SPP2: variants seen among roughly 807,000 people sequenced by gnomAD.
The protein encoded by SPP2 is secreted phosphoprotein 24.
In SPP2, 34 loss-of-function variants were observed where a neutral mutation model predicts 28.8. That is an observed-to-expected ratio of 1.18 (90% confidence interval 0.90 to 1.57). SPP2 has a LOEUF of 1.57. SPP2 is among the 40% of genes most tolerant of loss of function. The pLI is 0.00. For synonymous variants in SPP2, 96 were observed against 89.4 expected, an observed-to-expected ratio of 1.07 and a Z score of -0.42; for missense variants, 269 against 263.9, an observed-to-expected ratio of 1.02 and a Z score of -0.13.
chr2:234,074,280 C>T (rs1431967309), intron 7 of SPP2, among the ~76,000 whole-genome samples: 1 of 152,060 alleles, frequency 6.6e-6, no homozygotes, highest in Non-Finnish European at 1.5e-5. Flanking sequence ...ATGTAGTCAC[C>T]AACTAGATGG....
At position 234,054,163 on chromosome 2, in the gene SPP2, GC is replaced by G. The variant is rs59991178; in HGVS notation, c.210+3069del. Among the ~76,000 whole-genome samples, 323 of 152,304 alleles carry G rather than the reference GC, an allele frequency of 2.1e-3. 4 individuals carry two copies. The East Asian group carries it at 0.042, about 20-fold the overall frequency. On this transcript the variant is annotated intron_variant, in intron 2 of 7. Coordinates refer to ENST00000168148, the MANE Select transcript of SPP2 (RefSeq NM_006944.3). ...AGACGTTCTGAGGAATATTGGGTGA[GC>G]TGGCAGAGTCAGTGGGAGGGTCCTG... is the stretch of plus-strand genomic sequence containing the variant.
intron 2 of SPP2, among the ~76,000 whole-genome samples, chr2:234,057,345 A>G (rs767520553): frequency 3.9e-5 from 6 of 152,170 alleles, no homozygotes; most frequent in Non-Finnish European, 8.8e-5. Flanking sequence ...TGCTCCAGCC[A>G]CAAGAGTCGG....
intron 6 of SPP2, among the ~76,000 whole-genome samples, chr2:234,068,397 T>C (rs1025938670): frequency 6.6e-6 from 1 of 152,214 alleles, no homozygotes; most frequent in Non-Finnish European, 1.5e-5. Flanking sequence ...ATCTAAAACC[T>C]GTGCCTGTTT....
intron 3 of SPP2, 84 bp from the exon 4 acceptor site, chr2:234,060,285 C>A: frequency 2.2e-6 from 2 of 913,148 alleles, no homozygotes; most frequent in Non-Finnish European, 3.5e-6. Flanking sequence ...TCAAACCTGA[C>A]ATTTATTTTC....
intron 2 of SPP2, among the ~76,000 whole-genome samples, chr2:234,057,640 G>A (rs1364336962): frequency 6.6e-6 from 1 of 152,208 alleles, no homozygotes; most frequent in African/African-American, 2.4e-5. Flanking sequence ...TGCCTCTGGT[G>A]CTGAACACAC....
intron 4 of SPP2, among the ~76,000 whole-genome samples, chr2:234,063,315 T>TAG: frequency 6.6e-6 from 1 of 151,646 alleles, no homozygotes; most frequent in East Asian, 1.9e-4. Context: ...GAAAAACATA[T>TAG]AGAGAATGTA....
At chr2:234,070,755 C>T (rs994858222) in intron 7 of SPP2, among the ~76,000 whole-genome samples, 1 of 152,186 alleles carries the variant, frequency 6.6e-6, no homozygotes, top group Admixed American at 6.5e-5. Context: ...AGCCACCACG[C>T]CTGGCCGACG....
intron 4 of SPP2, 86 bp downstream of exon 4, chr2:234,060,565 C>A: frequency 9.4e-7 from 1 of 1,060,270 alleles, no homozygotes; most frequent in Non-Finnish European, 1.4e-6. Flanking sequence ...TGCTGGGTAG[C>A]TGGATCATCA....
At chr2:234,067,143 T>C in intron 5 of SPP2, 81 bp from the exon 6 acceptor site, 1 of 1,288,322 alleles carries the variant, frequency 7.8e-7, no homozygotes, top group Non-Finnish European at 1.1e-6. Flanking sequence ...AAGAAGCATA[T>C]TTGTGGCATT....
intron 4 of SPP2, among the ~76,000 whole-genome samples, chr2:234,060,733 GCA>G (rs1157667825): frequency 1.3e-4 from 19 of 144,390 alleles, no homozygotes; most frequent in African/African-American, 4.1e-4. Context: ...ACACACATAT[GCA>G]CACACACACA....
intron 3 of SPP2, among the ~76,000 whole-genome samples, 179 bp from the exon 4 acceptor site, chr2:234,060,190 A>G (rs1574827556): frequency 6.6e-6 from 1 of 152,320 alleles, no homozygotes; most frequent in South Asian, 2.1e-4. Flanking sequence ...ATGTTTAAAT[A>G]TTCCATTTGT....
chr2:234,067,191 G>T, intron 5 of SPP2, 33 bp from the exon 6 acceptor site: 1 of 1,589,338 alleles, frequency 6.3e-7, no homozygotes, highest in Non-Finnish European at 8.6e-7. Context: ...ACAGTGAGAG[G>T]AGTCTTGTCT....
intron 2 of SPP2, chr2:234,056,022 G>T (rs926999923): frequency 6.6e-6 from 1 of 152,042 alleles, no homozygotes; most frequent in Non-Finnish European, 1.5e-5. Context: ...TTAACATTAA[G>T]TATATCTCCT....
Position 234,050,827 on chromosome 2 carries a change from T to C in SPP2, c.41T>C (p.Ile14Thr). 1.2e-6 allele frequency: 2 copies of C among 1,614,048 alleles called. No homozygotes were observed. Among genetic ancestry groups the C allele is most frequent in the Non-Finnish European group, 1.7e-6 (2 of 1,179,930 alleles). ...GAGAAGATGACGATGATGATGAAGA[T>C]ATTGATTATGTTTGCTCTTGGAATG... ...RMEKMTMMMK[I>T]LIMFALGMNY... The change falls in exon 1 of 8, where the codon ATA (isoleucine) becomes ACA (threonine). Residue 14 changes from isoleucine to threonine, a missense_variant. By Grantham distance (89) the Ile-to-Thr change is moderately conservative. Coordinates refer to ENST00000168148, the MANE Select transcript of SPP2 (RefSeq NM_006944.3).
At chr2:234,076,190 A>ACT (rs1690890049) in intron 7 of SPP2, among the ~76,000 whole-genome samples, 2 of 152,012 alleles carry the variant, frequency 1.3e-5, no homozygotes, top group Non-Finnish European at 2.9e-5. Flanking sequence ...CACACCCGAC[A>ACT]GTGTGCGCCC....
chr2:234,074,740 C>A (rs1459868996), intron 7 of SPP2, among the ~76,000 whole-genome samples: 2 of 152,158 alleles, frequency 1.3e-5, no homozygotes, highest in East Asian at 1.9e-4. Flanking sequence ...CTGTTCCCAA[C>A]GTTTTCCTCA....
intron 4 of SPP2, among the ~76,000 whole-genome samples, chr2:234,061,474 C>T (rs1353106881): frequency 1.3e-5 from 2 of 152,126 alleles, no homozygotes; most frequent in African/African-American, 4.8e-5. Context: ...ATATTATTGA[C>T]AGATATTTTT....
intron 4 of SPP2, 79 bp from the exon 5 acceptor site, chr2:234,066,454 A>G (rs1363134578): frequency 2.6e-6 from 3 of 1,153,340 alleles, no homozygotes; most frequent in African/African-American, 3.0e-5. Flanking sequence ...AGTCTTCCAG[A>G]TGACATTTAC....
At chr2:234,059,598 T>C (rs535876227) in intron 3 of SPP2, among the ~76,000 whole-genome samples, 1 of 151,046 alleles carries the variant, frequency 6.6e-6, no homozygotes, top group African/African-American at 2.5e-5. Flanking sequence ...ACAGAATGCA[T>C]GTCTTGGGTG....
Sources: gnomAD v4.1 joint callset for allele counts (sites outside exome capture counted in the v4.1 genomes callset) on GRCh38, gnomAD v4.1.1 for gene constraint, MANE v1.5 for transcripts, NCBI Gene and HGNC (gene_info 2026-07-23, HGNC 2026-07-21) for gene names.